The following PTPRD variants were observed in gnomAD, a reference collection of about 807,000 sequenced individuals.
PTPRD encodes the protein protein tyrosine phosphatase receptor type D.
Under a neutral mutation model 214.5 loss-of-function variants are expected in PTPRD, and 34 were observed. The ratio of observed to expected loss-of-function variants is 0.16; its 90% CI spans 0.12 to 0.21. The LOEUF (loss-of-function observed/expected upper bound fraction) is 0.21. PTPRD is among the 10% of genes least tolerant of loss of function. The pLI is 1.00. For synonymous variants in PTPRD, 1,128 were observed against 845.7 expected (o/e 1.33, Z -5.79); for missense variants, 2,545 against 2,398.7 (o/e 1.06, Z -1.27).
intron 11 of PTPRD, among the ~76,000 whole-genome samples, chr9:8,823,192 G>C (rs74573147): frequency 6.6e-6 from 1 of 151,776 alleles, no homozygotes; most frequent in Admixed American, 6.6e-5. Flanking sequence ...TCTTTCTCAG[G>C]CTCCTTAGAA....
chr9:9,024,635 T>A (rs2099581297), intron 10 of PTPRD, among the ~76,000 whole-genome samples: 1 of 151,794 alleles, frequency 6.6e-6, no homozygotes, highest in Non-Finnish European at 1.5e-5. Flanking sequence ...TAAAATTATA[T>A]CTTTTATTAT....
intron 2 of PTPRD, among the ~76,000 whole-genome samples, chr9:10,530,118 G>C (rs1024034151): frequency 6.6e-6 from 1 of 152,064 alleles, no homozygotes; most frequent in Non-Finnish European, 1.5e-5. Context: ...CCGTACTTAA[G>C]AATATTTAGA....
chr9:9,148,740 T>C (rs553840695), intron 10 of PTPRD, among the ~76,000 whole-genome samples: 1 of 152,322 alleles, frequency 6.6e-6, no homozygotes, highest in Admixed American at 6.5e-5. Flanking sequence ...AACATTCCAC[T>C]CTAAGACAAC....
At chr9:9,566,802 C>G (rs115403029) in intron 8 of PTPRD, among the ~76,000 whole-genome samples, 1 of 151,996 alleles carries the variant, frequency 6.6e-6, no homozygotes, top group Admixed American at 6.6e-5. Flanking sequence ...AGCGTTTCTT[C>G]GGCCTATCTT....
intron 4 of PTPRD, among the ~76,000 whole-genome samples, chr9:9,988,546 A>T (rs1391286292): frequency 1.3e-5 from 2 of 152,192 alleles, no homozygotes; most frequent in Non-Finnish European, 2.9e-5. Context: ...TCTCAAAGAT[A>T]AAGTGCCAGA....
chr9:8,499,936 A>C, intron 24 of PTPRD, 96 bp from the exon 25 acceptor site: 1 of 1,048,100 alleles, frequency 9.5e-7, no homozygotes, highest in Non-Finnish European at 1.3e-6. Flanking sequence ...TCTCTTTCAA[A>C]AAATGGGTAA....
At chr9:10,455,355 T>C (rs1468959537) in intron 2 of PTPRD, among the ~76,000 whole-genome samples, 1 of 151,746 alleles carries the variant, frequency 6.6e-6, no homozygotes, top group African/African-American at 2.4e-5. Flanking sequence ...AATTTCAGTG[T>C]TTTAGTTCCT....
At chr9:10,326,156 A>C (rs553958272) in intron 3 of PTPRD, among the ~76,000 whole-genome samples, 3 of 151,840 alleles carry the variant, frequency 2.0e-5, no homozygotes, top group African/African-American at 7.2e-5. Context: ...TGATTGGACA[A>C]TTTTCAAAAA....
At chr9:9,170,491 T>G (rs546538804) in intron 10 of PTPRD, among the ~76,000 whole-genome samples, 1 of 152,316 alleles carries the variant, frequency 6.6e-6, no homozygotes, top group Non-Finnish European at 1.5e-5. Context: ...TTGAGTCTAA[T>G]AGCTGCGAGT....
intron 2 of PTPRD, among the ~76,000 whole-genome samples, chr9:10,396,996 G>A (rs2098183133): frequency 6.6e-6 from 1 of 151,940 alleles, no homozygotes; most frequent in African/African-American, 2.4e-5. Context: ...CTACACGTCT[G>A]GGGAAACTAC....
At position 9,357,928 on chromosome 9, in the gene PTPRD, A is replaced by C. The variant is rs140092012; in HGVS notation, c.-203+39521T>G. On this transcript the variant is annotated intron_variant, in intron 9 of 45. Transcript: ENST00000381196. ...GTTCTCTATTTCCTTTTACATTTCT[A>C]TTCTGTAATGCTTTAGAATTTGCAC... Among the ~76,000 whole-genome samples the C allele has an allele frequency of 1.9e-3, 282 of 151,140 alleles. 2 individuals carry two copies. Among genetic ancestry groups the C allele is most frequent in the African/African-American group, 6.3e-3 (262 of 41,354 alleles).
intron 4 of PTPRD, among the ~76,000 whole-genome samples, chr9:9,995,497 T>C (rs1588448030): frequency 6.6e-6 from 1 of 152,296 alleles, no homozygotes; most frequent in East Asian, 1.9e-4. Flanking sequence ...TACTTTTACT[T>C]GCCTCTTCAG....
In PTPRD at chr9:10,157,096, G is replaced by C. The variant is rs144146437; in HGVS notation, c.-544-123306C>G. Reference sequence around the variant, plus strand: ...GGTTCTATACCCAGTTTGTCACTCTGTGCCTTTTGATTGGGGGCATTTAGC... The same window carrying C: ...GGTTCTATACCCAGTTTGTCACTCTCTGCCTTTTGATTGGGGGCATTTAGC... On this transcript the variant is annotated intron_variant, in intron 3 of 45. Transcript: ENST00000381196. 8.5e-5 allele frequency among the ~76,000 whole-genome samples: 13 copies of C among 152,222 alleles called. No homozygotes were observed. The East Asian group carries it at 2.5e-3, about 30-fold the overall frequency.
At chr9:9,462,519 T>G (rs893007989) in intron 8 of PTPRD, among the ~76,000 whole-genome samples, 2 of 152,118 alleles carry the variant, frequency 1.3e-5, no homozygotes. Context: ...ATAAGTTAAA[T>G]CAGATTTTTA....
intron 3 of PTPRD, among the ~76,000 whole-genome samples, chr9:10,105,573 G>A (rs1398772342): frequency 6.6e-6 from 1 of 151,634 alleles, no homozygotes; most frequent in Non-Finnish European, 1.5e-5. Context: ...TCAAATTTTT[G>A]CAGCTCTGTG....
intron 4 of PTPRD, among the ~76,000 whole-genome samples, chr9:9,973,394 C>A (rs1469990247): frequency 4.0e-5 from 6 of 151,898 alleles, no homozygotes; most frequent in Non-Finnish European, 8.8e-5. Context: ...GTTACTTAAC[C>A]CAGGAGACAA....
chr9:8,424,215 T>C (rs1368214790), intron 35 of PTPRD, among the ~76,000 whole-genome samples: 1 of 152,144 alleles, frequency 6.6e-6, no homozygotes, highest in Non-Finnish European at 1.5e-5. Context: ...ACCTGACTAC[T>C]ATGTGATCAC....
intron 14 of PTPRD, among the ~76,000 whole-genome samples, chr9:8,575,804 A>C (rs1309996254): frequency 1.3e-5 from 2 of 152,184 alleles, no homozygotes; most frequent in African/African-American, 4.8e-5. Context: ...CTAAGTCATA[A>C]ATGCATTAAC....
chr9:8,947,822 G>A (rs2099075250), intron 11 of PTPRD, among the ~76,000 whole-genome samples: 1 of 152,034 alleles, frequency 6.6e-6, no homozygotes, highest in African/African-American at 2.4e-5. Context: ...CAAAATAATG[G>A]TGATAGCTTA....
Sources: gnomAD v4.1 joint callset for allele counts (sites outside exome capture counted in the v4.1 genomes callset) on GRCh38, gnomAD v4.1.1 for gene constraint, MANE v1.5 for transcripts, NCBI Gene and HGNC (gene_info 2026-07-23, HGNC 2026-07-21) for gene names.